Variants in AFG2A observed in about 807,000 individuals in gnomAD.
The protein encoded by AFG2A is ATPase family gene 2 protein homolog A.
At chr4:123,063,386 A>T in the AFG2A span, among the ~76,000 whole-genome samples, 8 of 152,212 alleles carry the variant, frequency 5.3e-5, no homozygotes. Flanking sequence ...CAAAGCTATC[A>T]TCTGTTTTCT....
the AFG2A span, among the ~76,000 whole-genome samples, chr4:123,165,546 A>G: frequency 1.3e-5 from 2 of 152,086 alleles, no homozygotes; most frequent in African/African-American, 4.8e-5. Flanking sequence ...TTGTATGGCT[A>G]TCTGTAGGTC....
the AFG2A span, among the ~76,000 whole-genome samples, chr4:123,021,932 G>A: frequency 2.0e-5 from 3 of 151,852 alleles, no homozygotes; most frequent in South Asian, 6.3e-4. Context: ...AACAAGCAAT[G>A]GGGAAGGGAT....
the AFG2A span, among the ~76,000 whole-genome samples, chr4:123,103,504 G>T: frequency 1.4e-4 from 22 of 152,016 alleles, no homozygotes; most frequent in African/African-American, 5.3e-4. Flanking sequence ...GTGTGTGTTT[G>T]TTCTTTCTTA....
chr4:123,100,185 C>T, the AFG2A span, among the ~76,000 whole-genome samples: 1 of 151,810 alleles, frequency 6.6e-6, no homozygotes, highest in African/African-American at 2.4e-5. Flanking sequence ...CTTATTCACC[C>T]ACACTGATGG....
At chr4:123,001,282 G>T in the AFG2A span, among the ~76,000 whole-genome samples, 6 of 152,128 alleles carry the variant, frequency 3.9e-5, no homozygotes, top group African/African-American at 1.2e-4. Flanking sequence ...GTTTTGAAGG[G>T]TTTTTTGTGT....
the AFG2A span, among the ~76,000 whole-genome samples, chr4:123,021,258 C>CTT: frequency 7.0e-6 from 1 of 143,410 alleles, no homozygotes; most frequent in Non-Finnish European, 1.5e-5. Flanking sequence ...ACTCTTTGAG[C>CTT]TTTTTTTTTT....
the AFG2A span, among the ~76,000 whole-genome samples, chr4:123,301,726 AT>A: frequency 1.6e-4 from 24 of 152,114 alleles, no homozygotes; most frequent in African/African-American, 5.1e-4. Flanking sequence ...TTGTCAAGTC[AT>A]TTTTTCCCCC....
chr4:123,269,974 G>A, the AFG2A span, among the ~76,000 whole-genome samples: 455 of 152,074 alleles, frequency 3.0e-3, 2 homozygotes, highest in African/African-American at 9.9e-3. Flanking sequence ...CCGCCACCAC[G>A]CCCGGCTAAT....
the AFG2A span, among the ~76,000 whole-genome samples, chr4:123,121,264 T>A: frequency 0.4 from 59,692 of 149,338 alleles, 13,644 homozygotes; most frequent in African/African-American, 0.63. Flanking sequence ...AAAAAAATAA[T>A]AAATAAAAAA....
the AFG2A span, among the ~76,000 whole-genome samples, chr4:122,949,762 A>G: frequency 6.6e-6 from 1 of 152,200 alleles, no homozygotes; most frequent in Non-Finnish European, 1.5e-5. Context: ...GGCCAGAGGA[A>G]GACAGTGGAG....
At chr4:123,236,107 G>T in the AFG2A span, among the ~76,000 whole-genome samples, 1 of 152,192 alleles carries the variant, frequency 6.6e-6, no homozygotes, top group African/African-American at 2.4e-5. Flanking sequence ...TTTTTGGGGG[G>T]AATCTGATAG....
chr4:122,994,103 CTTT>C, the AFG2A span, among the ~76,000 whole-genome samples: 1 of 152,030 alleles, frequency 6.6e-6, no homozygotes, highest in Non-Finnish European at 1.5e-5. Flanking sequence ...CATCTTTCTT[CTTT>C]ACCAAAGTAC....
the AFG2A span, among the ~76,000 whole-genome samples, chr4:123,307,619 A>T: frequency 1.3e-4 from 20 of 152,352 alleles, no homozygotes; most frequent in South Asian, 4.1e-4. Context: ...ATCAAGTGAG[A>T]CAATAAATCG....
chr4:122,976,563 C>T, the AFG2A span, among the ~76,000 whole-genome samples: 1 of 152,134 alleles, frequency 6.6e-6, no homozygotes, highest in African/African-American at 2.4e-5. Flanking sequence ...AATTGATGGG[C>T]TTTCCTAAGA....
chr4:123,297,134 AGTT>A, the AFG2A span, among the ~76,000 whole-genome samples: 1 of 152,160 alleles, frequency 6.6e-6, no homozygotes, highest in Admixed American at 6.5e-5. Flanking sequence ...CCACAAAAAA[AGTT>A]GTTTTTGTTT....
the AFG2A span, among the ~76,000 whole-genome samples, chr4:123,075,976 C>CAAAAAAAAAACAAAAAA: frequency 7.4e-6 from 1 of 135,094 alleles, no homozygotes. Flanking sequence ...ACAACAACAA[C>CAAAAAAAAAACAAAAAA]AAAAAAAAAA....
At chr4:123,024,115 C>T in the AFG2A span, among the ~76,000 whole-genome samples, 1 of 151,010 alleles carries the variant, frequency 6.6e-6, no homozygotes, top group African/African-American at 2.4e-5. Context: ...GATGAAGAAA[C>T]TAACCCAGAT....
the AFG2A span, among the ~76,000 whole-genome samples, chr4:122,950,915 G>A: frequency 6.6e-6 from 1 of 152,212 alleles, no homozygotes; most frequent in African/African-American, 2.4e-5. Context: ...GATGTGTACT[G>A]TGTCTTTGTA....
the AFG2A span, among the ~76,000 whole-genome samples, chr4:123,218,956 G>A: frequency 6.6e-6 from 1 of 152,196 alleles, no homozygotes; most frequent in Non-Finnish European, 1.5e-5. Flanking sequence ...TTTCTAGAGA[G>A]ACAGATCCAA....
Sources: allele counts gnomAD v4.1 joint callset (sites outside exome capture counted in the v4.1 genomes callset), GRCh38; gene constraint gnomAD v4.1.1; transcripts MANE v1.5; gene names NCBI Gene and HGNC (gene_info 2026-07-23, HGNC 2026-07-21).